The following FRY variants were observed in gnomAD, a reference collection of about 807,000 sequenced individuals.
FRY encodes the protein protein furry homolog.
Under a neutral mutation model 348.4 loss-of-function variants are expected in FRY, and 128 were observed. The observed-to-expected ratio is 0.37, with a 90% CI of 0.32 to 0.43. The LOEUF (loss-of-function observed/expected upper bound fraction) is 0.43. Ranked by LOEUF, FRY falls within the 20% of genes least tolerant of loss-of-function variation. The pLI, the probability that FRY is intolerant of heterozygous loss-of-function variation, is 1.00. For synonymous variants in FRY, 1,370 were observed against 1,374.7 expected (o/e 1.00, Z 0.08); for missense variants, 2,736 against 3,695.2 (o/e 0.74, Z 6.73).
intron 2 of FRY, 105 bp downstream of exon 2, chr13:32,079,138 G>A (rs1174301678): frequency 2.3e-6 from 2 of 854,232 alleles, no homozygotes; most frequent in Admixed American, 1.7e-5. Flanking sequence ...CCTCTGGTTT[G>A]TAAAGGTTCT....
chr13:32,249,570 T>G lies in FRY; in HGVS notation c.7053T>G (p.Ser2351=). Residue 2351 remains serine (S), a synonymous_variant, in exon 49 of 61, where the codon TCT becomes TCG. Transcript: ENST00000542859. ...GRRYDELQNS[S]GRDGKPRAMA... Reference sequence around the variant, plus strand: ...GGTATGATGAGCTGCAGAATTCTTCTGGGCGTGATGGGAAGCCCAGGGCCA... The same window carrying G: ...GGTATGATGAGCTGCAGAATTCTTCGGGGCGTGATGGGAAGCCCAGGGCCA... 1 of 1,614,210 alleles carries G rather than the reference T, an allele frequency of 6.2e-7. No homozygotes were observed. The highest frequency in any genetic ancestry group is 8.5e-7 in the Non-Finnish European group (1 of 1,180,026).
rs767906238 is a variant in FRY at position 32,136,907 on chromosome 13, A to T, written c.1114A>T (p.Ser372Cys). 6.2e-7 allele frequency: 1 copy of T among 1,610,366 alleles called. No individual in the cohort carries two copies. The highest frequency in any genetic ancestry group is 1.3e-5 in the African/African-American group (1 of 74,954). ...YPLVTCLLCV[S>C]QKQLFLNRWH... ...CCTGGTGACCTGTTTGCTCTGTGTCAGTCAGAAGCAGCTGTTCCTGAACAG... is the reference window on the plus strand; with the variant it reads ...CCTGGTGACCTGTTTGCTCTGTGTCTGTCAGAAGCAGCTGTTCCTGAACAG... Residue 372 changes from serine (S) to cysteine (C), a missense_variant, in exon 11 of 61, where the codon AGT becomes TGT. Physicochemically the swap from Ser to Cys is moderately radical, Grantham distance 112 (BLOSUM62 -1). This residue lies in a region of FRY where 191 missense variants were observed against 370.2 expected (regional missense o/e 0.52). Transcript: ENST00000542859.
chr13:32,190,515 C>T (rs1022335007), intron 28 of FRY, among the ~76,000 whole-genome samples: 12 of 151,948 alleles, frequency 7.9e-5, no homozygotes, highest in African/African-American at 2.7e-4. Flanking sequence ...AGTACAGCAA[C>T]GATGGGGAGC....
intron 1 of FRY, among the ~76,000 whole-genome samples, chr13:32,069,603 A>G (rs1272515994): frequency 1.3e-5 from 2 of 152,242 alleles, no homozygotes; most frequent in Admixed American, 1.3e-4. Flanking sequence ...AATATTATTC[A>G]GCCTTAACAA....
At chr13:32,051,906 G>A (rs1022795224) in intron 1 of FRY, among the ~76,000 whole-genome samples, 67 of 152,326 alleles carry the variant, frequency 4.4e-4, no homozygotes, top group African/African-American at 1.5e-3. Context: ...TATGGTTAGA[G>A]CTAGAGGAAG....
At chr13:32,247,180 CT>C in intron 47 of FRY, 142 bp from the exon 48 acceptor site, 1 of 675,770 alleles carries the variant, frequency 1.5e-6, no homozygotes, top group Non-Finnish European at 2.6e-6. Flanking sequence ...TGTCATTTGC[CT>C]TTTACTTCTC....
intron 29 of FRY, among the ~76,000 whole-genome samples, chr13:32,200,990 C>G (rs1219796407): frequency 6.6e-6 from 1 of 152,152 alleles, no homozygotes; most frequent in Non-Finnish European, 1.5e-5. Flanking sequence ...CAGAGTGATT[C>G]TTCAAAAGTG....
At chr13:32,064,895 C>T (rs183736958) in intron 1 of FRY, among the ~76,000 whole-genome samples, 2 of 152,214 alleles carry the variant, frequency 1.3e-5, no homozygotes, top group East Asian at 1.9e-4. Flanking sequence ...CTGAAAGGGC[C>T]GTAATCATGT....
chr13:32,239,501 T>C lies in FRY; in HGVS notation c.6516+152T>C. On this transcript the variant is annotated intron_variant, in intron 45 of 60. Coordinates refer to ENST00000542859, the MANE Select transcript of FRY (RefSeq NM_023037.3). The surrounding 1 kb of genome is among the most constrained non-coding windows in gnomAD (Gnocchi z 4.3). ...ACAGTAATGGAAATATAGGGGTGGC[T>C]GATGCAAATTGTCTTGCTTGCTTTC... 1.4e-6 allele frequency: 1 copy of C among 714,506 alleles called. No individual in the cohort carries two copies. Among genetic ancestry groups the C allele is most frequent in the Non-Finnish European group, 2.5e-6 (1 of 395,098 alleles). 44.3% of individuals were successfully genotyped at this position (714,506 alleles called of 1,614,324 possible). A position where few individuals can be genotyped will look rare whatever the true frequency, so the allele number is the denominator to read the frequency against.
chr13:32,178,011 C>T (rs1000567138), intron 20 of FRY, among the ~76,000 whole-genome samples, 166 bp from the exon 21 acceptor site: 2 of 152,206 alleles, frequency 1.3e-5, no homozygotes, highest in African/African-American at 4.8e-5. Flanking sequence ...GATGACCACA[C>T]ACCAAGGTCA....
At chr13:32,277,396 C>A (rs532522242) in intron 57 of FRY, among the ~76,000 whole-genome samples, 1 of 152,186 alleles carries the variant, frequency 6.6e-6, no homozygotes, top group African/African-American at 2.4e-5. Context: ...GCTATCATTT[C>A]CTGAGTCCTT....
chr13:32,222,456 C>A (rs1354342295), intron 36 of FRY, among the ~76,000 whole-genome samples: 1 of 152,182 alleles, frequency 6.6e-6, no homozygotes, highest in Non-Finnish European at 1.5e-5. Context: ...AAGTGATCTA[C>A]CCGCCATGGC....
intron 7 of FRY, 43 bp downstream of exon 7, chr13:32,124,918 T>C (rs1187368909): frequency 1.5e-6 from 2 of 1,373,586 alleles, no homozygotes; most frequent in Admixed American, 1.7e-5. Flanking sequence ...ACGTGCGTGC[T>C]TTCACTGTCC....
At chr13:32,052,539 G>T (rs544543281) in intron 1 of FRY, among the ~76,000 whole-genome samples, 4 of 152,192 alleles carry the variant, frequency 2.6e-5, no homozygotes, top group African/African-American at 9.6e-5. Context: ...TATCTAAAAT[G>T]TTATTTCAAC....
intron 17 of FRY, among the ~76,000 whole-genome samples, chr13:32,162,189 A>G (rs1239800608): frequency 6.6e-6 from 1 of 152,370 alleles, no homozygotes; most frequent in East Asian, 1.9e-4. Context: ...GCTGGCGAAT[A>G]AGATGACAAA....
chr13:32,090,350 C>CAAAAAA (rs34392238), intron 2 of FRY, among the ~76,000 whole-genome samples: 1 of 58,814 alleles, frequency 1.7e-5, no homozygotes, highest in African/African-American at 6.8e-5. Context: ...GACTCCATCT[C>CAAAAAA]AAAAAAAAAA....
rs1409364680 is a variant in FRY, at chr13:32,247,017, G to C, written c.6829-306G>C. ...AACAGTCAGTGTCATAAAATGCATTGGGAGCTTTTTTTTTTCCCTCAAATT... is the reference window on the plus strand; with the variant it reads ...AACAGTCAGTGTCATAAAATGCATTCGGAGCTTTTTTTTTTCCCTCAAATT... On this transcript the variant is annotated intron_variant, in intron 47 of 60. Transcript: ENST00000542859. 2.0e-5 allele frequency among the ~76,000 whole-genome samples: 3 copies of C among 152,040 alleles called. No individual in the cohort carries two copies. The East Asian group carries it at 5.8e-4, about 29-fold the overall frequency.
At chr13:32,230,637 A>G (rs1009893006) in intron 40 of FRY, among the ~76,000 whole-genome samples, 1 of 152,180 alleles carries the variant, frequency 6.6e-6, no homozygotes, top group African/African-American at 2.4e-5. Context: ...ATGTGTCTTT[A>G]TAATAGAACA....
intron 1 of FRY, among the ~76,000 whole-genome samples, chr13:32,054,565 C>G (rs1247727032): frequency 2.0e-5 from 3 of 152,064 alleles, no homozygotes; most frequent in Non-Finnish European, 4.4e-5. Flanking sequence ...CAGAGAAACC[C>G]CTGAGGCTGT....
Sources: allele counts gnomAD v4.1 joint callset (sites outside exome capture counted in the v4.1 genomes callset), GRCh38; gene constraint gnomAD v4.1.1; regional missense constraint gnomAD v4.1.1; non-coding constraint Gnocchi (gnomAD v3.1); transcripts MANE v1.5; gene names NCBI Gene and HGNC (gene_info 2026-07-23, HGNC 2026-07-21).